OSBPL6: variants seen among roughly 807,000 people sequenced by gnomAD.
OSBPL6 encodes the protein oxysterol binding protein like 6.
A neutral mutation model predicts 125.8 loss-of-function variants in OSBPL6; 49 were observed. The observed-to-expected ratio is 0.39, with a 90% CI of 0.31 to 0.49. The LOEUF (loss-of-function observed/expected upper bound fraction) is 0.49, where lower values mean the gene tolerates loss of function less well. OSBPL6 is among the 20% of genes least tolerant of loss of function. OSBPL6 has a pLI of 0.88. For synonymous variants in OSBPL6, 394 were observed against 391.8 expected (o/e 1.01, Z -0.07); for missense variants, 986 against 1,135.4 (o/e 0.87, Z 1.89).
At chr2:178,199,531 T>C (rs2089121386) in intron 1 of OSBPL6, among the ~76,000 whole-genome samples, 1 of 151,986 alleles carries the variant, frequency 6.6e-6, no homozygotes, top group Admixed American at 6.6e-5. Context: ...TTTAGCTGCC[T>C]GTGAGTGACT....
intron 2 of OSBPL6, among the ~76,000 whole-genome samples, chr2:178,286,123 C>T (rs1684674834): frequency 1.3e-5 from 2 of 152,146 alleles, no homozygotes; most frequent in Admixed American, 1.3e-4. Flanking sequence ...CATTTTTTAA[C>T]CTGTAAAAAT....
intron 1 of OSBPL6, among the ~76,000 whole-genome samples, chr2:178,217,454 G>A (rs935481516): frequency 6.6e-6 from 1 of 152,118 alleles, no homozygotes; most frequent in Admixed American, 6.5e-5. Context: ...TTTTGTCATC[G>A]CACGCCAGGA....
At chr2:178,363,465 A>C (rs1692537595) in intron 13 of OSBPL6, among the ~76,000 whole-genome samples, 1 of 152,184 alleles carries the variant, frequency 6.6e-6, no homozygotes, top group Admixed American at 6.5e-5. Context: ...ATGAGCAGGA[A>C]ACAGTGAAAT....
At chr2:178,209,021 C>T (rs1291299163) in intron 1 of OSBPL6, among the ~76,000 whole-genome samples, 2 of 152,062 alleles carry the variant, frequency 1.3e-5, no homozygotes, top group South Asian at 2.1e-4. Flanking sequence ...TTAAGAAGAC[C>T]AAAGCCATTC....
At chr2:178,290,532 T>C (rs983115508) in intron 2 of OSBPL6, among the ~76,000 whole-genome samples, 3 of 150,470 alleles carry the variant, frequency 2.0e-5, no homozygotes, top group South Asian at 2.2e-4. Flanking sequence ...GAACCTATCA[T>C]ATGTGAATCA....
chr2:178,326,905 TC>T (rs989067278), intron 4 of OSBPL6, among the ~76,000 whole-genome samples: 4 of 150,712 alleles, frequency 2.7e-5, no homozygotes, highest in Non-Finnish European at 5.9e-5. Context: ...TATCTCTTTT[TC>T]CCCCCCTTCT....
intron 1 of OSBPL6, among the ~76,000 whole-genome samples, chr2:178,276,219 G>A (rs921542232): frequency 1.3e-5 from 2 of 152,022 alleles, no homozygotes; most frequent in Non-Finnish European, 2.9e-5. Context: ...CAAGATTCAT[G>A]CATTTCTTAA....
intron 1 of OSBPL6, among the ~76,000 whole-genome samples, chr2:178,254,962 G>A (rs1054674207): frequency 5.9e-5 from 9 of 152,300 alleles, no homozygotes; most frequent in East Asian, 1.9e-4. Context: ...CAATCATGGC[G>A]GAAGGTGATT....
chr2:178,213,584 G>T (rs2089964407), intron 1 of OSBPL6, among the ~76,000 whole-genome samples: 1 of 152,060 alleles, frequency 6.6e-6, no homozygotes, highest in South Asian at 2.1e-4. Flanking sequence ...AATCCAATTT[G>T]CTTCCTGCCA....
chr2:178,256,628 T>C (rs946732768), intron 1 of OSBPL6, among the ~76,000 whole-genome samples: 33 of 152,226 alleles, frequency 2.2e-4, no homozygotes, highest in African/African-American at 7.5e-4. Context: ...CTGAAATGAA[T>C]GGCATATGTT....
chr2:178,231,638 ATTTT>A (rs71023433), intron 1 of OSBPL6, among the ~76,000 whole-genome samples: 93 of 84,564 alleles, frequency 1.1e-3, no homozygotes, highest in South Asian at 2.6e-3. Context: ...GGGTGGTCCC[ATTTT>A]TTTTTTTTTT....
intron 2 of OSBPL6, among the ~76,000 whole-genome samples, chr2:178,297,047 G>A (rs1413654765): frequency 6.6e-6 from 1 of 152,150 alleles, no homozygotes; most frequent in African/African-American, 2.4e-5. Context: ...ATTCTGTGTG[G>A]CCAGGCTAAC....
chr2:178,390,688 T>C (rs564796629), intron 21 of OSBPL6, among the ~76,000 whole-genome samples: 1 of 152,328 alleles, frequency 6.6e-6, no homozygotes, highest in South Asian at 2.1e-4. Flanking sequence ...TGGCCATTTA[T>C]AGATACTATG....
chr2:178,340,583 A>G (rs1690107111), intron 11 of OSBPL6, among the ~76,000 whole-genome samples: 1 of 152,068 alleles, frequency 6.6e-6, no homozygotes, highest in African/African-American at 2.4e-5. Context: ...TTTAAACTAG[A>G]ATCTCCATTA....
chr2:178,297,550 A>G (rs1204833122), intron 2 of OSBPL6, among the ~76,000 whole-genome samples: 1 of 152,254 alleles, frequency 6.6e-6, no homozygotes, highest in Non-Finnish European at 1.5e-5. Flanking sequence ...TTAAAGTGAT[A>G]AGCTCAGTAA....
intron 1 of OSBPL6, among the ~76,000 whole-genome samples, chr2:178,273,324 C>A (rs919898895): frequency 6.6e-6 from 1 of 152,166 alleles, no homozygotes; most frequent in Admixed American, 6.5e-5. Flanking sequence ...GGCTGTGGCA[C>A]ATTCCTGTAG....
chr2:178,354,734 G>A (rs940729614), intron 12 of OSBPL6, among the ~76,000 whole-genome samples: 1 of 152,152 alleles, frequency 6.6e-6, no homozygotes, highest in Non-Finnish European at 1.5e-5. Flanking sequence ...GCACCAAGCA[G>A]ACCTAATAGA....
intron 1 of OSBPL6, among the ~76,000 whole-genome samples, chr2:178,249,838 T>C (rs1402870073): frequency 6.6e-6 from 1 of 151,788 alleles, no homozygotes; most frequent in Non-Finnish European, 1.5e-5. Context: ...TTTTTTTTTT[T>C]TTTTTTTGGA....
chr2:178,236,004 A>G (rs1258675354), intron 1 of OSBPL6, among the ~76,000 whole-genome samples: 1 of 152,100 alleles, frequency 6.6e-6, no homozygotes, highest in Non-Finnish European at 1.5e-5. Flanking sequence ...TCAATTTTTA[A>G]ATGTCTCAAT....
Sources: gnomAD v4.1 joint callset for allele counts (sites outside exome capture counted in the v4.1 genomes callset) on GRCh38, gnomAD v4.1.1 for gene constraint, MANE v1.5 for transcripts, NCBI Gene and HGNC (gene_info 2026-07-23, HGNC 2026-07-21) for gene names.